The following TTLL7 variants were observed in gnomAD, a reference collection of about 807,000 sequenced individuals.
TTLL7 encodes tubulin polyglutamylase TTLL7.
In TTLL7, 53 loss-of-function variants were observed where a neutral mutation model predicts 120.2. The ratio of observed to expected loss-of-function variants is 0.44; its 90% CI spans 0.35 to 0.55. The LOEUF is 0.55. Ranked by LOEUF, TTLL7 falls within the 20% of genes least tolerant of loss-of-function variation. The pLI is 0.00. For synonymous variants in TTLL7, 353 were observed against 351.7 expected (o/e 1.00, Z -0.04); for missense variants, 803 against 1,054.7 (o/e 0.76, Z 3.31).
rs773303488 is a variant in TTLL7, at chr1:83,883,090, G to A, written c.2416C>T (p.Pro806Ser). The A allele has an allele frequency of 3.7e-6, 6 of 1,611,642 alleles. No individual in the cohort carries two copies. The highest frequency in any genetic ancestry group is 5.1e-6 in the Non-Finnish European group (6 of 1,178,720). ...CGCTGGCAACACTGGAGCTGCAAAGGAGTCACCACCTCCGGGCTTTTATTG... is the reference window on the plus strand; with the variant it reads ...CGCTGGCAACACTGGAGCTGCAAAGAAGTCACCACCTCCGGGCTTTTATTG... ...IFNKSPEVVT[P>S]LQLQCCQRLV... Residue 806 changes from proline (P) to serine (S), a missense_variant, in exon 20 of 21, where the codon CCT becomes TCT. Physicochemically the swap from Pro to Ser is moderately conservative, Grantham distance 74 (BLOSUM62 -1). This residue lies in a region of TTLL7 where 388 missense variants were observed against 450.4 expected (regional missense o/e 0.86). Transcript: ENST00000260505.
At chr1:83,877,406 G>A (rs970147459) in intron 20 of TTLL7, among the ~76,000 whole-genome samples, 1 of 151,994 alleles carries the variant, frequency 6.6e-6, no homozygotes, top group Non-Finnish European at 1.5e-5. Context: ...GTTGAAGAGT[G>A]TTCGCTCCTT....
intron 13 of TTLL7, among the ~76,000 whole-genome samples, 166 bp downstream of exon 13, chr1:83,919,529 GAAGT>G (rs1658470531): frequency 6.6e-6 from 1 of 152,080 alleles, no homozygotes; most frequent in South Asian, 2.1e-4. Context: ...GATATCTTAT[GAAGT>G]AAGTTGGTTC....
In TTLL7 at chr1:83,883,096, C is replaced by T; in HGVS notation, c.2410G>A (p.Val804Met). 6.2e-7 allele frequency: 1 copy of T among 1,611,140 alleles called. No individual in the cohort carries two copies. Among genetic ancestry groups the T allele is most frequent in the South Asian group, 1.1e-5 (1 of 90,752 alleles). Residue 804 changes from valine (V) to methionine (M), a missense_variant, in exon 20 of 21, where the codon GTG becomes ATG. Around this residue, in one of 3 missense-constraint regions of TTLL7, gnomAD observed 388 missense variants for 450.4 expected, o/e 0.86. Transcript: ENST00000260505. ...CAACACTGGAGCTGCAAAGGAGTCA[C>T]CACCTCCGGGCTTTTATTGAATATA... ...ESIFNKSPEVVTPLQLQCCQR... is the reference protein window; with the variant it reads ...ESIFNKSPEVMTPLQLQCCQR...
intron 1 of TTLL7, among the ~76,000 whole-genome samples, chr1:83,975,822 T>A (rs1429258642): frequency 6.6e-6 from 1 of 152,122 alleles, no homozygotes; most frequent in African/African-American, 2.4e-5. Flanking sequence ...TATTCTAATG[T>A]ACTTTCTACT....
intron 1 of TTLL7, among the ~76,000 whole-genome samples, chr1:83,969,737 A>G (rs1571342696): frequency 6.6e-6 from 1 of 152,118 alleles, no homozygotes; most frequent in East Asian, 1.9e-4. Flanking sequence ...AAAACAACCT[A>G]AAAGTATCCA....
intron 1 of TTLL7, among the ~76,000 whole-genome samples, chr1:83,974,571 T>C (rs1404918309): frequency 6.6e-6 from 1 of 151,974 alleles, no homozygotes; most frequent in Non-Finnish European, 1.5e-5. Flanking sequence ...AAACATAAGG[T>C]ATTGTCTTCA....
At chr1:83,978,822 T>C (rs1214229525) in intron 1 of TTLL7, among the ~76,000 whole-genome samples, 1 of 152,234 alleles carries the variant, frequency 6.6e-6, no homozygotes, top group Non-Finnish European at 1.5e-5. Flanking sequence ...CATTTGACTG[T>C]TATTATCAAA....
At chr1:83,911,770 A>G (rs1657695675) in intron 14 of TTLL7, among the ~76,000 whole-genome samples, 1 of 151,876 alleles carries the variant, frequency 6.6e-6, no homozygotes. Context: ...TAACGTTCAG[A>G]GTTACTCAAT....
At chr1:83,939,814 GCTCA>G (rs1217059834) in intron 7 of TTLL7, among the ~76,000 whole-genome samples, 6 of 152,020 alleles carry the variant, frequency 3.9e-5, no homozygotes, top group South Asian at 2.1e-4. Flanking sequence ...TAAAATACAT[GCTCA>G]CTATTTTAAA....
At chr1:83,951,508 A>AAAC (rs1314524795) in intron 3 of TTLL7, among the ~76,000 whole-genome samples, 1 of 152,204 alleles carries the variant, frequency 6.6e-6, no homozygotes, top group Non-Finnish European at 1.5e-5. Context: ...AGTCACATAT[A>AAAC]AACCTATCTT....
chr1:83,881,986 G>T (rs1654531668), intron 20 of TTLL7, among the ~76,000 whole-genome samples: 1 of 149,968 alleles, frequency 6.7e-6, no homozygotes, highest in African/African-American at 2.5e-5. Flanking sequence ...ACTATCACAA[G>T]AACAAAAAAC....
chr1:83,959,805 T>C (rs1157092443), intron 1 of TTLL7, among the ~76,000 whole-genome samples: 1 of 152,066 alleles, frequency 6.6e-6, no homozygotes, highest in Non-Finnish European at 1.5e-5. Flanking sequence ...ACTCATACAA[T>C]GAAAATACTA....
chr1:83,871,896 CAA>C (rs1281907006), intron 20 of TTLL7, among the ~76,000 whole-genome samples: 9 of 44,022 alleles, frequency 2.0e-4, no homozygotes, highest in Non-Finnish European at 4.1e-4. Flanking sequence ...GACTCCATCT[CAA>C]AAAAAAAAAA....
At chr1:83,931,148 C>T (rs1011022617) in intron 9 of TTLL7, among the ~76,000 whole-genome samples, 1 of 151,850 alleles carries the variant, frequency 6.6e-6, no homozygotes, top group African/African-American at 2.4e-5. Context: ...GTTCTCATTT[C>T]CTACCCCAAT....
chr1:83,998,271 G>A (rs886123307), intron 1 of TTLL7, among the ~76,000 whole-genome samples: 3 of 152,162 alleles, frequency 2.0e-5, no homozygotes, highest in African/African-American at 7.2e-5. Context: ...AAAAGTAAGT[G>A]CCTAGGCTAT....
At chr1:83,882,210 C>T (rs1654565740) in intron 20 of TTLL7, among the ~76,000 whole-genome samples, 1 of 150,430 alleles carries the variant, frequency 6.6e-6, no homozygotes, top group African/African-American at 2.4e-5. Context: ...GCACATTGTG[C>T]ACATTTACCC....
chr1:83,870,304 A>T (rs191896746), intron 20 of TTLL7, among the ~76,000 whole-genome samples: 1 of 152,202 alleles, frequency 6.6e-6, no homozygotes, highest in East Asian at 1.9e-4. Flanking sequence ...TCCCATAAAG[A>T]GCCACTGTAC....
At chr1:83,989,664 A>G (rs1652798022) in intron 1 of TTLL7, among the ~76,000 whole-genome samples, 1 of 151,998 alleles carries the variant, frequency 6.6e-6, no homozygotes, top group Admixed American at 6.6e-5. Context: ...TTCCCTATGA[A>G]TTTTCAAATA....
chr1:83,949,356 G>A (rs1648818931), intron 4 of TTLL7: 1 of 150,358 alleles, frequency 6.7e-6, no homozygotes, highest in East Asian at 1.9e-4. Flanking sequence ...TTGAGATGGA[G>A]TCTCGCTGTC....
Sources: allele counts gnomAD v4.1 joint callset (sites outside exome capture counted in the v4.1 genomes callset), GRCh38; gene constraint gnomAD v4.1.1; regional missense constraint gnomAD v4.1.1; transcripts MANE v1.5; gene names NCBI Gene and HGNC (gene_info 2026-07-23, HGNC 2026-07-21).